The following TXNDC8 variants were observed in gnomAD, a reference collection of about 807,000 sequenced individuals.
The protein encoded by TXNDC8 is thioredoxin domain-containing protein 8.
TXNDC8 carries 15 observed loss-of-function variants against 12.9 expected under a neutral mutation model. The ratio of observed to expected loss-of-function variants is 1.16; its 90% CI spans 0.78 to 1.79. The LOEUF is 1.79. Ranked by LOEUF, TXNDC8 falls within the 40% of genes most tolerant of loss-of-function variation. The pLI is 0.00. For missense variants in TXNDC8, 128 were observed against 113.2 expected (o/e 1.13, Z -0.59); for synonymous variants, 40 against 35.4 (o/e 1.13, Z -0.46).
intron 3 of TXNDC8, chr9:110,324,043 C>T: frequency 6.5e-7 from 1 of 1,541,012 alleles, no homozygotes; most frequent in South Asian, 1.2e-5. Context: ...GGGAGTGGTT[C>T]CTTGGAGGAA....
At chr9:110,310,486 A>G (rs908525325) in intron 3 of TXNDC8, among the ~76,000 whole-genome samples, 2 of 152,222 alleles carry the variant, frequency 1.3e-5, no homozygotes, top group Admixed American at 6.5e-5. Context: ...ATGAATCTAC[A>G]AGATGTACTT....
rs772162861 is a variant in TXNDC8, at chr9:110,334,269, GA to G, written c.75del (p.Gln26AsnfsTer41). The stretch of plus-strand genomic sequence containing the variant: ...GGACCACACCGTTTCGAAGAAAATT[GA>G]ACCACTGCGAGTTTGTGTCCGGCAG... On this transcript the variant is annotated frameshift_variant, in exon 2 of 5. Transcript: ENST00000423740. LOFTEE classifies it high-confidence loss of function. 4.3e-6 allele frequency: 7 copies of G among 1,613,914 alleles called. No individual in the cohort carries two copies. In the South Asian group the frequency reaches 6.6e-5, roughly 15 times the overall value.
chr9:110,322,437 A>C (rs1270889538), intron 3 of TXNDC8: 1 of 985,314 alleles, frequency 1.0e-6, no homozygotes, highest in East Asian at 1.1e-4. Context: ...AATTCAAAAG[A>C]GATACATATC....
At chr9:110,320,253 A>G (rs1321849909) in intron 3 of TXNDC8, among the ~76,000 whole-genome samples, 1 of 152,164 alleles carries the variant, frequency 6.6e-6, no homozygotes, top group Non-Finnish European at 1.5e-5. Flanking sequence ...CCCATGTGTC[A>G]TGGGAGGGAC....
intron 2 of TXNDC8, among the ~76,000 whole-genome samples, chr9:110,331,350 G>T (rs1839534638): frequency 2.0e-5 from 3 of 152,028 alleles, no homozygotes; most frequent in African/African-American, 7.2e-5. Context: ...CTCTGTTGGT[G>T]GTTCTTTAAC....
At chr9:110,326,973 C>CACACACA (rs1207397221) in intron 2 of TXNDC8, among the ~76,000 whole-genome samples, 3 of 151,530 alleles carry the variant, frequency 2.0e-5, no homozygotes, top group African/African-American at 7.3e-5. Flanking sequence ...CACACACACA[C>CACACACA]ACGTGAAGAC....
chr9:110,303,505 T>G lies in TXNDC8; in HGVS notation c.*177A>C. The G allele has an allele frequency of 6.6e-7, 1 of 1,522,296 alleles. No individual in the cohort carries two copies. The highest frequency in any genetic ancestry group is 8.9e-7 in the Non-Finnish European group (1 of 1,128,020). 94.3% of individuals were successfully genotyped at this position (1,522,296 alleles called of 1,614,324 possible). Reference sequence around the variant, plus strand: ...CTTTTCAAATGTCACAAGTGTATTTTGCCTTGGAGATCAGCTTACATTAAT... The same window carrying G: ...CTTTTCAAATGTCACAAGTGTATTTGGCCTTGGAGATCAGCTTACATTAAT... On this transcript the variant is annotated 3_prime_UTR_variant, in exon 5 of 5. Coordinates refer to ENST00000423740, the MANE Select transcript of TXNDC8 (RefSeq NM_001286946.2).
At chr9:110,318,610 C>T (rs1838974244) in intron 3 of TXNDC8, among the ~76,000 whole-genome samples, 1 of 152,102 alleles carries the variant, frequency 6.6e-6, no homozygotes. Flanking sequence ...TCATGGCTGG[C>T]ACCTGTAGTC....
chr9:110,303,066 A>C (rs368269897), downstream of TXNDC8, among the ~76,000 whole-genome samples: 9 of 152,120 alleles, frequency 5.9e-5, no homozygotes, highest in African/African-American at 1.7e-4. Context: ...TGTCTCAAAA[A>C]AAAAAAATGA....
intron 3 of TXNDC8, among the ~76,000 whole-genome samples, chr9:110,307,854 T>C (rs1026089208): frequency 6.6e-6 from 1 of 152,168 alleles, no homozygotes; most frequent in African/African-American, 2.4e-5. Flanking sequence ...ATGTCTCATA[T>C]CTCCCTAACA....
At chr9:110,330,831 A>G (rs545447032) in intron 2 of TXNDC8, among the ~76,000 whole-genome samples, 6 of 152,350 alleles carry the variant, frequency 3.9e-5, no homozygotes, top group Admixed American at 2.6e-4. Flanking sequence ...TTTTACAGGA[A>G]AAGTTTGTTG....
chr9:110,319,663 G>A (rs1163659185), intron 3 of TXNDC8, among the ~76,000 whole-genome samples: 1 of 152,192 alleles, frequency 6.6e-6, no homozygotes, highest in African/African-American at 2.4e-5. Context: ...TGTGTTTTAT[G>A]AAGTTGAACA....
intron 2 of TXNDC8, among the ~76,000 whole-genome samples, chr9:110,328,320 C>T (rs1587985229): frequency 6.6e-6 from 1 of 151,808 alleles, no homozygotes. Flanking sequence ...ATAAGACACA[C>T]TTTGTTTGAG....
chr9:110,308,543 CTGAG>C (rs1295493206), intron 3 of TXNDC8, among the ~76,000 whole-genome samples: 1 of 151,746 alleles, frequency 6.6e-6, no homozygotes, highest in African/African-American at 2.4e-5. Flanking sequence ...TTGCTCAAAT[CTGAG>C]TGAGAATTCC....
rs746198439 is a variant in TXNDC8 at position 110,305,764 on chromosome 9, C to CTTTCTTTTCTTTTCT, written c.196-1247_196-1233dup. ...TCTTCCCTTCCTTCCCTTCCCTTCC[C>CTTTCTTTTCTTTTCT]TTTCTTTTCTTTTCTTTTCTTTTCT... On this transcript the variant is annotated intron_variant, in intron 3 of 4. Transcript: ENST00000423740. 1.3e-4 allele frequency among the ~76,000 whole-genome samples: 18 copies of CTTTCTTTTCTTTTCT among 134,600 alleles called. No homozygotes were observed. In the South Asian group the frequency reaches 4.5e-3, roughly 33 times the overall value. The allele number at this position is 134,600 out of a possible 152,430, so 88.3% of individuals were successfully genotyped here.
intron 3 of TXNDC8, chr9:110,324,033 G>A: frequency 6.5e-7 from 1 of 1,545,496 alleles, no homozygotes; most frequent in Non-Finnish European, 8.7e-7. Context: ...GAATGCAAAA[G>A]GGAGTGGTTC....
intron 3 of TXNDC8, among the ~76,000 whole-genome samples, chr9:110,311,489 A>G (rs1385309669): frequency 7.1e-6 from 1 of 140,430 alleles, no homozygotes; most frequent in Non-Finnish European, 1.5e-5. Flanking sequence ...AGGAAATAAG[A>G]GCGATGTAAA....
intron 3 of TXNDC8, among the ~76,000 whole-genome samples, chr9:110,318,932 C>T (rs1838987538): frequency 6.6e-6 from 1 of 152,208 alleles, no homozygotes; most frequent in Admixed American, 6.5e-5. Flanking sequence ...ACCCTAATCC[C>T]TGCCTGGGAG....
chr9:110,302,957 A>G, downstream of TXNDC8, among the ~76,000 whole-genome samples: 1 of 152,124 alleles, frequency 6.6e-6, no homozygotes, highest in Non-Finnish European at 1.5e-5. Flanking sequence ...CTAGCTACGC[A>G]GGTGGCTGAG....
Sources: gnomAD v4.1 joint callset for allele counts (sites outside exome capture counted in the v4.1 genomes callset) on GRCh38, gnomAD v4.1.1 for gene constraint, MANE v1.5 for transcripts, NCBI Gene and HGNC (gene_info 2026-07-23, HGNC 2026-07-21) for gene names.